Variants in KDM4B observed in about 807,000 individuals in gnomAD.
KDM4B encodes lysine-specific demethylase 4B.
In KDM4B, 32 loss-of-function variants were observed where a neutral mutation model predicts 125.2. The ratio of observed to expected loss-of-function variants is 0.26; its 90% confidence interval spans 0.19 to 0.34. The LOEUF is 0.34. Among genes scored for constraint, KDM4B ranks in the 10% least tolerant of loss-of-function variants. The pLI is 1.00. For synonymous variants in KDM4B, 721 were observed against 677.9 expected, an observed-to-expected ratio of 1.06 and a Z score of -0.99; for missense variants, 1,190 against 1,577.7, an observed-to-expected ratio of 0.75 and a Z score of 4.16.
intron 18 of KDM4B, chr19:5,140,149 G>C (rs2039715542): frequency 6.6e-6 from 1 of 152,656 alleles, no homozygotes; most frequent in Admixed American, 6.5e-5. Flanking sequence ...CTCAGGGCTT[G>C]TCAAATCTGC....
At position 5,133,995 on chromosome 19, in the gene KDM4B, C is replaced by A. The variant is rs761020231; in HGVS notation, c.2019C>A (p.Phe673Leu). The change falls in exon 14 of 23, where the codon TTC becomes TTA. Residue 673 changes from phenylalanine (F) to leucine (L), a missense_variant. By Grantham distance (22) the Phe-to-Leu change is conservative (BLOSUM62 0). This residue lies in a region of KDM4B where 128 missense variants were observed against 137.8 expected (regional missense o/e 0.93). Transcript: ENST00000159111. ...CCAGCTTCCAGGCCGAGAGGAAGTT[C>A]AACGCAGCGGCTGCGCGCACGGAGC... ...RAASFQAERK[F>L]NAAAARTEPY... 6.2e-7 allele frequency: 1 copy of A among 1,612,020 alleles called. No homozygotes were observed. Among genetic ancestry groups the A allele is most frequent in the African/African-American group, 1.3e-5 (1 of 74,944 alleles).
intron 1 of KDM4B, among the ~76,000 whole-genome samples, chr19:5,001,581 G>A (rs936615294): frequency 6.6e-6 from 1 of 152,188 alleles, no homozygotes; most frequent in African/African-American, 2.4e-5. Context: ...TTGGTGGAAG[G>A]GTATCTTCAT....
intron 3 of KDM4B, among the ~76,000 whole-genome samples, chr19:5,033,878 C>T (rs1298479259): frequency 3.3e-5 from 5 of 152,212 alleles, no homozygotes; most frequent in African/African-American, 1.2e-4. Context: ...GGCCTGTAAT[C>T]CCAGCATTTT....
chr19:5,107,185 C>T (rs769819983), intron 9 of KDM4B, among the ~76,000 whole-genome samples: 5 of 152,256 alleles, frequency 3.3e-5, no homozygotes, highest in Non-Finnish European at 4.4e-5. Flanking sequence ...CCCATGCACA[C>T]GGTTCTAGCG....
In KDM4B at chr19:5,057,061, TGTGTGC is replaced by T. The variant is rs1184541497; in HGVS notation, c.626+9394_626+9399del. Among the ~76,000 whole-genome samples, 414 of 132,930 alleles carry T rather than the reference TGTGTGC, an allele frequency of 3.1e-3. 3 individuals carry two copies. The highest frequency in any genetic ancestry group is 0.011 in the African/African-American group (379 of 35,480). The allele number at this position is 132,930 out of a possible 152,430, so 87.2% of individuals were successfully genotyped here. A position where few individuals can be genotyped will look rare whatever the true frequency, so the allele number is the denominator to read the frequency against. ...GTGTGTGTGTGTGTGTGTGTGTGTGTGTGTGCGCGCGCGCGCGTATGTTAGCAAATG... is the reference window on the plus strand; with the variant it reads ...GTGTGTGTGTGTGTGTGTGTGTGTGTGCGCGCGCGCGTATGTTAGCAAATG... On this transcript the variant is annotated intron_variant, in intron 6 of 22. Coordinates refer to ENST00000159111, the MANE Select transcript of KDM4B (RefSeq NM_015015.3).
Position 5,138,019 on chromosome 19 carries a change from T to C in KDM4B, c.2499T>C (p.Ile833=). 6.2e-7 allele frequency: 1 copy of C among 1,612,718 alleles called. No individual in the cohort carries two copies. The highest frequency in any genetic ancestry group is 1.3e-5 in the African/African-American group (1 of 75,028). ...CCGAGGCGCGCTTCCTGAACGTGAT[T>C]GAGCGCCACCCTGTGGACATCAGCG... is the stretch of plus-strand genomic sequence containing the variant. ...AVPEARFLNV[I]ERHPVDISAI... Residue 833 remains isoleucine (I), a synonymous_variant, in exon 18 of 23, where the codon ATT becomes ATC. Coordinates refer to ENST00000159111, the MANE Select transcript of KDM4B (RefSeq NM_015015.3).
chr19:5,076,858 C>T (rs1270638011), intron 7 of KDM4B: 2 of 166,354 alleles, frequency 1.2e-5, no homozygotes, highest in African/African-American at 2.4e-5. Context: ...CACACCGTGT[C>T]CTCTCCCCAG....
rs186138027 is a variant in KDM4B at position 4,976,623 on chromosome 19, G to A, written c.-109+7393G>A. On this transcript the variant is annotated intron_variant, in intron 1 of 22. Coordinates refer to ENST00000159111, the MANE Select transcript of KDM4B (RefSeq NM_015015.3). Reference sequence around the variant, plus strand: ...AACTCTCCTCGTTACCAGTGCTAGCGCCCCCGATGGGAGGGGCAGGGGAGT... The same window carrying A: ...AACTCTCCTCGTTACCAGTGCTAGCACCCCCGATGGGAGGGGCAGGGGAGT... 9.8e-5 allele frequency among the ~76,000 whole-genome samples: 15 copies of A among 152,358 alleles called. 1 individual carries two copies. The highest frequency in any genetic ancestry group is 8.5e-4 in the Admixed American group (13 of 15,314).
chr19:5,060,433 C>CAAAAAAAAAGAAAA (rs2037551581), intron 6 of KDM4B, among the ~76,000 whole-genome samples: 1 of 32,946 alleles, frequency 3.0e-5, no homozygotes, highest in Non-Finnish European at 6.5e-5. Flanking sequence ...ACTCTGTCTC[C>CAAAAAAAAAGAAAA]AAAAAAAAAA....
intron 6 of KDM4B, among the ~76,000 whole-genome samples, chr19:5,057,858 G>C (rs192083980): frequency 1.3e-5 from 2 of 152,372 alleles, no homozygotes; most frequent in East Asian, 3.9e-4. Context: ...ATTAAGCCCT[G>C]CTTAGCCAAA....
At chr19:5,131,049 C>G in intron 11 of KDM4B, 27 bp from the exon 12 acceptor site, 1 of 1,470,934 alleles carries the variant, frequency 6.8e-7, no homozygotes, top group Non-Finnish European at 9.1e-7. Context: ...GGTTCTCCTC[C>G]CTGACCTCCC....
chr19:5,145,346 C>G, intron 21 of KDM4B, among the ~76,000 whole-genome samples: 1 of 151,984 alleles, frequency 6.6e-6, no homozygotes, highest in East Asian at 1.9e-4. Flanking sequence ...TTTGGGAGGC[C>G]GAGGCAGGTG....
chr19:5,027,761 G>A (rs1225571072), intron 2 of KDM4B, among the ~76,000 whole-genome samples: 1 of 151,940 alleles, frequency 6.6e-6, no homozygotes, highest in African/African-American at 2.4e-5. Flanking sequence ...GGCTGGTCAC[G>A]AACTCCTGAC....
intron 18 of KDM4B, among the ~76,000 whole-genome samples, chr19:5,143,636 T>C (rs1047484072): frequency 6.6e-6 from 1 of 152,158 alleles, no homozygotes; most frequent in Non-Finnish European, 1.5e-5. Flanking sequence ...CGTGGGGCTC[T>C]TCAGTGTCTG....
intron 9 of KDM4B, among the ~76,000 whole-genome samples, chr19:5,105,322 C>T (rs1006466229): frequency 2.0e-5 from 3 of 152,266 alleles, no homozygotes; most frequent in South Asian, 4.1e-4. Flanking sequence ...GACACACCTG[C>T]GATTGCTCCC....
intron 9 of KDM4B, among the ~76,000 whole-genome samples, chr19:5,095,724 C>A (rs540553281): frequency 2.0e-5 from 3 of 151,986 alleles, no homozygotes; most frequent in Non-Finnish European, 4.4e-5. Context: ...TCACAAGGGG[C>A]TGGCCAGGGC....
intron 6 of KDM4B, among the ~76,000 whole-genome samples, chr19:5,050,229 A>T (rs1009404781): frequency 1.3e-5 from 2 of 152,222 alleles, no homozygotes; most frequent in African/African-American, 4.8e-5. Flanking sequence ...TGGTAGCTTG[A>T]TTTGTGTGTC....
At chr19:4,987,873 G>T (rs1340919408) in intron 1 of KDM4B, among the ~76,000 whole-genome samples, 2 of 152,170 alleles carry the variant, frequency 1.3e-5, no homozygotes, top group African/African-American at 4.8e-5. Context: ...ACTGGGGGTG[G>T]CTTTTGGAGG....
chr19:5,059,195 C>T (rs1051081810), intron 6 of KDM4B, among the ~76,000 whole-genome samples: 1 of 152,204 alleles, frequency 6.6e-6, no homozygotes, highest in Non-Finnish European at 1.5e-5. Context: ...GGTTCAGCTC[C>T]CCAGAAGGGA....
Sources: allele counts gnomAD v4.1 joint callset (sites outside exome capture counted in the v4.1 genomes callset), GRCh38; gene constraint gnomAD v4.1.1; regional missense constraint gnomAD v4.1.1; transcripts MANE v1.5; gene names NCBI Gene and HGNC (gene_info 2026-07-23, HGNC 2026-07-21).